RBMS2: variants seen among roughly 807,000 people sequenced by gnomAD.
The protein encoded by RBMS2 is RNA-binding motif, single-stranded-interacting protein 2.
Under a neutral mutation model 58.4 loss-of-function variants are expected in RBMS2, and 38 were observed. The observed-to-expected ratio is 0.65, with a 90% CI of 0.50 to 0.85. The LOEUF (loss-of-function observed/expected upper bound fraction) is 0.85. Among genes scored for constraint, RBMS2 ranks in the 40% least tolerant of loss-of-function variants. RBMS2 has a pLI of 0.00. For missense variants in RBMS2, 367 were observed against 503.7 expected (o/e 0.73, Z 2.60); for synonymous variants, 151 against 180.7 (o/e 0.84, Z 1.32).
chr12:56,559,186 AT>A (rs139304296), intron 1 of RBMS2, among the ~76,000 whole-genome samples: 13 of 149,716 alleles, frequency 8.7e-5, no homozygotes, highest in Admixed American at 4.0e-4. Flanking sequence ...AAAGAAGGAC[AT>A]TTTTTTTTTG....
chr12:56,556,046 TAA>T (rs57399884), intron 1 of RBMS2, among the ~76,000 whole-genome samples: 21 of 138,496 alleles, frequency 1.5e-4, no homozygotes, highest in Admixed American at 1.5e-4. Context: ...CTCTGTGTCT[TAA>T]AAAAAAAAAA....
intron 5 of RBMS2, among the ~76,000 whole-genome samples, chr12:56,576,847 C>G (rs1592480780): frequency 6.6e-6 from 1 of 151,304 alleles, no homozygotes; most frequent in East Asian, 1.9e-4. Context: ...TTGAGACCAG[C>G]CTGGCCAAAA....
intron 1 of RBMS2, among the ~76,000 whole-genome samples, chr12:56,542,059 A>AT (rs11410083): frequency 0.94 from 142,683 of 151,508 alleles, 67,557 homozygotes; most frequent in South Asian, 0.99. Context: ...TAGTAGATTT[A>AT]TTTTTTTTGA....
At chr12:56,528,535 A>G (rs1325329144) in intron 1 of RBMS2, among the ~76,000 whole-genome samples, 1 of 152,198 alleles carries the variant, frequency 6.6e-6, no homozygotes, top group Non-Finnish European at 1.5e-5. Context: ...GTTTATCCAC[A>G]GGCTCTATGG....
At chr12:56,533,861 C>G (rs1451598405) in intron 1 of RBMS2, among the ~76,000 whole-genome samples, 1 of 151,862 alleles carries the variant, frequency 6.6e-6, no homozygotes, top group Admixed American at 6.6e-5. Context: ...TTGCACTGTT[C>G]TAAGTACTTT....
At chr12:56,520,721 T>G (rs1334763368), upstream of RBMS2, among the ~76,000 whole-genome samples, 1 of 152,176 alleles carries the variant, frequency 6.6e-6, no homozygotes, top group Non-Finnish European at 1.5e-5. Context: ...TTGAAGCATA[T>G]GCTTCTTAAG....
In RBMS2 at chr12:56,595,030, C is replaced by A. The variant is rs1353093765; in HGVS notation, c.*5897C>A. On this transcript the variant is annotated 3_prime_UTR_variant, in exon 14 of 14. Transcript: ENST00000262031. The stretch of plus-strand genomic sequence containing the variant: ...ATCGCCCTAGAATAGTGTGAACTCT[C>A]CAGATAGGTCCTGCTGTGATAGGCC... 1.3e-5 allele frequency: 2 copies of A among 152,206 alleles called. No individual in the cohort carries two copies. The highest frequency in any genetic ancestry group is 2.9e-5 in the Non-Finnish European group (2 of 68,048). 9.4% of individuals were successfully genotyped at this position (152,206 alleles called of 1,614,324 possible).
Position 56,562,447 on chromosome 12 carries a change from C to T in RBMS2, c.97C>T (p.Pro33Ser). 6.2e-7 allele frequency: 1 copy of T among 1,608,984 alleles called. No homozygotes were observed. Among genetic ancestry groups the T allele is most frequent in the Admixed American group, 1.7e-5 (1 of 59,976 alleles). ...PYVSLAQQMAPPSPSNSTPNS... is the reference protein window; with the variant it reads ...PYVSLAQQMASPSPSNSTPNS... ...TGTGTCATTGGCTCAGCAGATGGCA[C>T]CACCTAGCCCAAGCAACAGTACACC... is the stretch of plus-strand genomic sequence containing the variant. Residue 33 changes from proline (P) to serine (S), a missense_variant, in exon 2 of 14, where the codon CCA becomes TCA. Physicochemically the swap from Pro to Ser is moderately conservative, Grantham distance 74. This residue lies in a region of RBMS2 where 93 missense variants were observed against 132.2 expected (regional missense o/e 0.70). Transcript: ENST00000262031.
rs1274802412 is a variant in RBMS2 at position 56,589,389 on chromosome 12, T to C, written c.*256T>C. Reference sequence around the variant, plus strand: ...CTACATTCAAGGAGATCAAAAAAACTTTTCTTCTTTTGCAAAGAAAGCTTT... The same window carrying C: ...CTACATTCAAGGAGATCAAAAAAACCTTTCTTCTTTTGCAAAGAAAGCTTT... On this transcript the variant is annotated 3_prime_UTR_variant, in exon 14 of 14. Transcript: ENST00000262031. The C allele has an allele frequency of 1.0e-6, 1 of 997,372 alleles. No individual in the cohort carries two copies. The highest frequency in any genetic ancestry group is 1.3e-6 in the Non-Finnish European group (1 of 792,344). The allele number at this position is 997,372 out of a possible 1,614,324, so 61.8% of individuals were successfully genotyped here.
At chr12:56,539,546 A>G (rs183802434) in intron 1 of RBMS2, 2 of 326,186 alleles carry the variant, frequency 6.1e-6, no homozygotes, top group South Asian at 2.4e-5. Context: ...TAGCTAAGCT[A>G]TATAATATGC....
At chr12:56,587,221 C>T (rs1884792769) in intron 10 of RBMS2, among the ~76,000 whole-genome samples, 1 of 150,578 alleles carries the variant, frequency 6.6e-6, no homozygotes, top group Non-Finnish European at 1.5e-5. Context: ...GAGCTGAGAT[C>T]GTGCCATTGC....
chr12:56,525,612 C>A (rs182941679), intron 1 of RBMS2, among the ~76,000 whole-genome samples: 139 of 152,090 alleles, frequency 9.1e-4, no homozygotes, highest in African/African-American at 3.3e-3. Context: ...CAATCTCCAA[C>A]CCCTGGGCTT....
At position 56,595,654 on chromosome 12, in the gene RBMS2, A is replaced by G. The variant is rs143755262; in HGVS notation, c.*6521A>G. 1 of 151,852 alleles carries G rather than the reference A, an allele frequency of 6.6e-6. No homozygotes were observed. Among genetic ancestry groups the G allele is most frequent in the East Asian group, 1.9e-4 (1 of 5,172 alleles). The allele number at this position is 151,852 out of a possible 1,614,324, so 9.4% of individuals were successfully genotyped here. A position where few individuals can be genotyped will look rare whatever the true frequency, so the allele number is the denominator to read the frequency against. On this transcript the variant is annotated 3_prime_UTR_variant, in exon 14 of 14. Coordinates refer to ENST00000262031, the MANE Select transcript of RBMS2 (RefSeq NM_002898.4). ...AGTGGTAAGCTGGTGATGGTCCCAT[A>G]TTTGCTATGACAGGAACACAGAGGT... is the stretch of plus-strand genomic sequence containing the variant.
chr12:56,561,051 ATAAT>A (rs1880293177), intron 1 of RBMS2, among the ~76,000 whole-genome samples: 1 of 152,194 alleles, frequency 6.6e-6, no homozygotes. Flanking sequence ...TTTGCTAAGG[ATAAT>A]GGCCTCCAGC....
intron 1 of RBMS2, among the ~76,000 whole-genome samples, chr12:56,538,922 A>C (rs1875527891): frequency 6.6e-6 from 1 of 151,998 alleles, no homozygotes; most frequent in African/African-American, 2.4e-5. Context: ...CCTTATTCTT[A>C]AGCATATTAT....
intron 11 of RBMS2, 171 bp downstream of exon 11, chr12:56,587,835 A>T (rs1035440772): frequency 2.0e-5 from 13 of 637,698 alleles, no homozygotes; most frequent in Non-Finnish European, 2.5e-5. Flanking sequence ...AGCCAGGAAT[A>T]CAGCCATTCT....
rs1871758311 is a variant in RBMS2 at position 56,521,826 on chromosome 12, A to AGCTCATTC, written c.-197_-190dup. The AGCTCATTC allele has an allele frequency of 1.7e-6, 1 of 572,048 alleles. No homozygotes were observed. The highest frequency in any genetic ancestry group is 3.1e-6 in the Non-Finnish European group (1 of 327,454). The allele number at this position is 572,048 out of a possible 1,614,324, so 35.4% of individuals were successfully genotyped here. A position where few individuals can be genotyped will look rare whatever the true frequency, so the allele number is the denominator to read the frequency against. On this transcript the variant is annotated 5_prime_UTR_variant, in exon 1 of 14. Transcript: ENST00000262031. ...CTCAGTGACGTAAAGGAGCAGCCCG[A>AGCTCATTC]GCTCATTCTCTGCCCGCAGCCCCCC... is the stretch of plus-strand genomic sequence containing the variant.
At chr12:56,525,496 A>T (rs1290996910) in intron 1 of RBMS2, among the ~76,000 whole-genome samples, 2 of 152,146 alleles carry the variant, frequency 1.3e-5, no homozygotes, top group Non-Finnish European at 2.9e-5. Flanking sequence ...TGCTGGGATT[A>T]CAGGCGTGAG....
At chr12:56,567,766 G>C (rs1881610943) in intron 2 of RBMS2, among the ~76,000 whole-genome samples, 1 of 151,944 alleles carries the variant, frequency 6.6e-6, no homozygotes, top group Admixed American at 6.6e-5. Flanking sequence ...AGGAGTTCGA[G>C]GCTGCAGTGA....
Sources: gnomAD v4.1 joint callset for allele counts (sites outside exome capture counted in the v4.1 genomes callset) on GRCh38, gnomAD v4.1.1 for gene constraint, gnomAD v4.1.1 regional missense constraint, MANE v1.5 for transcripts, NCBI Gene and HGNC (gene_info 2026-07-23, HGNC 2026-07-21) for gene names.